FAM135B: variants seen among roughly 807,000 people sequenced by gnomAD.
FAM135B encodes the protein protein FAM135B.
In FAM135B, 43 loss-of-function variants were observed where a neutral mutation model predicts 127.7. That is an observed-to-expected ratio of 0.34 (90% CI 0.26 to 0.43). The LOEUF (loss-of-function observed/expected upper bound fraction) is 0.43. FAM135B is among the 20% of genes least tolerant of loss of function. The pLI is 1.00. For missense variants in FAM135B, 1,558 were observed against 1,725.6 expected (o/e 0.90, Z 1.72); for synonymous variants, 670 against 665.1 (o/e 1.01, Z -0.11).
chr8:138,358,294 G>C (rs1311997784), intron 2 of FAM135B: 3 of 152,158 alleles, frequency 2.0e-5, no homozygotes, highest in Non-Finnish European at 4.4e-5. Flanking sequence ...TAAGTGGCAA[G>C]AAGACCCCTT....
chr8:138,279,444 A>G (rs972924696), intron 3 of FAM135B, among the ~76,000 whole-genome samples: 12 of 152,212 alleles, frequency 7.9e-5, no homozygotes, highest in African/African-American at 2.9e-4. Flanking sequence ...CCTGTTTCTC[A>G]GTGACCTCTT....
intron 3 of FAM135B, among the ~76,000 whole-genome samples, chr8:138,293,569 T>C (rs772787072): frequency 5.3e-4 from 80 of 151,728 alleles, no homozygotes; most frequent in Non-Finnish European, 1.2e-4. Flanking sequence ...AAAAATCCCA[T>C]CAAAAAGTGG....
chr8:138,178,955 G>A (rs1429555144), intron 9 of FAM135B, among the ~76,000 whole-genome samples: 3 of 152,104 alleles, frequency 2.0e-5, no homozygotes, highest in Admixed American at 6.5e-5. Flanking sequence ...TAGTCTAGCA[G>A]GCAAGATTGC....
chr8:138,264,031 C>T lies in FAM135B; in HGVS notation c.297+1672G>A, dbSNP rs531467089. 3.9e-5 allele frequency among the ~76,000 whole-genome samples: 6 copies of T among 152,270 alleles called. No individual in the cohort carries two copies. In the East Asian group the frequency reaches 1.2e-3, roughly 29 times the overall value. On this transcript the variant is annotated intron_variant, in intron 4 of 19. Coordinates refer to ENST00000395297, the MANE Select transcript of FAM135B (RefSeq NM_015912.4). ...CCCTATCATGGCCCACAATGCTGGGCCTCCCTGCTCCATCTTCATCTCCTG... is the reference window on the plus strand; with the variant it reads ...CCCTATCATGGCCCACAATGCTGGGTCTCCCTGCTCCATCTTCATCTCCTG...
rs536130346 is a variant in FAM135B at position 138,215,259 on chromosome 8, T to G, written c.670-17590A>C. On this transcript the variant is annotated intron_variant, in intron 7 of 19. Transcript: ENST00000395297. ...CCTTATCTGTAAAATGAGGGAAAAC[T>G]AATAGATTCCTGGTAGGGTGCTAGT... Among the ~76,000 whole-genome samples the G allele has an allele frequency of 4.3e-4, 65 of 152,326 alleles. No individual in the cohort carries two copies. In the Middle Eastern group the frequency reaches 0.01, roughly 24 times the overall value.
intron 18 of FAM135B, among the ~76,000 whole-genome samples, chr8:138,138,782 C>T (rs1816875359): frequency 6.6e-6 from 1 of 152,234 alleles, no homozygotes; most frequent in Non-Finnish European, 1.5e-5. Context: ...CTCAATCTCT[C>T]ACGTGCCATA....
At chr8:138,173,599 C>A (rs1254828356) in intron 11 of FAM135B, among the ~76,000 whole-genome samples, 2 of 152,170 alleles carry the variant, frequency 1.3e-5, no homozygotes, top group Non-Finnish European at 2.9e-5. Flanking sequence ...AGTTTCTGAT[C>A]AGAGTAGTTT....
At chr8:138,180,879 G>A (rs1814955901) in intron 9 of FAM135B, among the ~76,000 whole-genome samples, 1 of 152,142 alleles carries the variant, frequency 6.6e-6, no homozygotes, top group African/African-American at 2.4e-5. Context: ...TGGCTCTGGG[G>A]CAGGCAGGGG....
chr8:138,414,119 C>CATACATATATATATATATAT (rs144143600), intron 1 of FAM135B, among the ~76,000 whole-genome samples: 7 of 124,642 alleles, frequency 5.6e-5, no homozygotes, highest in Non-Finnish European at 1.0e-4. Flanking sequence ...CACACAAATA[C>CATACATATATATATATATAT]ATATATATAT....
intron 7 of FAM135B, among the ~76,000 whole-genome samples, chr8:138,209,545 G>A (rs1227061603): frequency 6.6e-6 from 1 of 152,124 alleles, no homozygotes; most frequent in Non-Finnish European, 1.5e-5. Context: ...AGGAGATGAA[G>A]CTCAATGGAC....
intron 2 of FAM135B, among the ~76,000 whole-genome samples, chr8:138,334,289 T>C (rs1005392191): frequency 5.3e-5 from 8 of 152,248 alleles, no homozygotes; most frequent in Admixed American, 3.3e-4. Context: ...GCAATACTTC[T>C]ACATACCCAC....
At chr8:138,301,209 T>A (rs117426483) in intron 3 of FAM135B, among the ~76,000 whole-genome samples, 3,356 of 152,110 alleles carry the variant, frequency 0.022, 50 homozygotes, top group Non-Finnish European at 0.032. Context: ...TTTGAGGGGG[T>A]ACAGAACAGT....
At chr8:138,270,613 T>C (rs1823306170) in intron 3 of FAM135B, among the ~76,000 whole-genome samples, 1 of 152,236 alleles carries the variant, frequency 6.6e-6, no homozygotes, top group Admixed American at 6.5e-5. Flanking sequence ...GGAAGTCCAA[T>C]ATCAGGGTGC....
chr8:138,363,473 C>T (rs1830560705), intron 2 of FAM135B, among the ~76,000 whole-genome samples: 2 of 152,138 alleles, frequency 1.3e-5, no homozygotes, highest in Non-Finnish European at 2.9e-5. Context: ...CTCAGTACTT[C>T]CCTGCCCCTG....
At chr8:138,279,823 C>T (rs1158970147) in intron 3 of FAM135B, among the ~76,000 whole-genome samples, 1 of 152,174 alleles carries the variant, frequency 6.6e-6, no homozygotes, top group East Asian at 1.9e-4. Flanking sequence ...AGGGCATAGA[C>T]ATTAAGCAAT....
chr8:138,449,637 A>G (rs1335379349), intron 1 of FAM135B, among the ~76,000 whole-genome samples: 1 of 152,180 alleles, frequency 6.6e-6, no homozygotes, highest in Non-Finnish European at 1.5e-5. Context: ...GAATCTGCTC[A>G]GATTTCTTTT....
intron 1 of FAM135B, among the ~76,000 whole-genome samples, chr8:138,377,992 C>T (rs907588075): frequency 6.6e-6 from 1 of 152,162 alleles, no homozygotes; most frequent in Non-Finnish European, 1.5e-5. Context: ...AGGGAGGATC[C>T]CCTAAGCACT....
At chr8:138,181,362 A>G (rs776165928) in intron 9 of FAM135B, among the ~76,000 whole-genome samples, 1 of 152,184 alleles carries the variant, frequency 6.6e-6, no homozygotes, top group African/African-American at 2.4e-5. Context: ...TGACTTCTAT[A>G]TAGATTCTTG....
Position 138,170,562 on chromosome 8 carries a change from C to T in FAM135B, c.1104-2513G>A, listed in dbSNP as rs1301255785. On this transcript the variant is annotated intron_variant, in intron 11 of 19. Coordinates refer to ENST00000395297, the MANE Select transcript of FAM135B (RefSeq NM_015912.4). ...AAGATTAAATGTGGTTTAAGAAATG[C>T]GAATGGGTGCCAAGTTGACAAGGGG... 2.0e-5 allele frequency among the ~76,000 whole-genome samples: 3 copies of T among 152,128 alleles called. 1 individual carries two copies. Among genetic ancestry groups the T allele is most frequent in the East Asian group, 3.9e-4 (2 of 5,194 alleles).
Sources: gnomAD v4.1 joint callset for allele counts (sites outside exome capture counted in the v4.1 genomes callset) on GRCh38, gnomAD v4.1.1 for gene constraint, MANE v1.5 for transcripts, NCBI Gene and HGNC (gene_info 2026-07-23, HGNC 2026-07-21) for gene names.